SUPT6H: variants seen among roughly 807,000 people sequenced by gnomAD.
SUPT6H encodes SPT6 homolog, histone chaperone and transcription elongation factor, also known as transcription elongation factor SPT6.
Under a neutral mutation model 222.3 loss-of-function variants are expected in SUPT6H, and 11 were observed. The ratio of observed to expected loss-of-function variants is 0.05; its 90% CI spans 0.03 to 0.08. The LOEUF is 0.08. SUPT6H is among the 10% of genes least tolerant of loss of function. SUPT6H has a pLI of 1.00. For synonymous variants in SUPT6H, 762 were observed against 801.2 expected (o/e 0.95, Z 0.83); for missense variants, 1,422 against 2,216.0 (o/e 0.64, Z 7.19).
intron 14 of SUPT6H, 31 bp from the exon 15 acceptor site, chr17:28,682,911 T>G (rs1410390203): frequency 2.5e-6 from 4 of 1,612,864 alleles, no homozygotes; most frequent in African/African-American, 2.7e-5. Context: ...CACAACACCC[T>G]GGTCCTGTAG....
chr17:28,684,118 T>C (rs2031262548), intron 17 of SUPT6H, among the ~76,000 whole-genome samples: 1 of 152,208 alleles, frequency 6.6e-6, no homozygotes, highest in Non-Finnish European at 1.5e-5. Context: ...CACCTTGGCC[T>C]CCCAAAATGC....
intron 11 of SUPT6H, 38 bp downstream of exon 11, chr17:28,679,001 T>C (rs779300615): frequency 5.0e-6 from 8 of 1,613,244 alleles, no homozygotes; most frequent in Non-Finnish European, 6.8e-6. Flanking sequence ...TGGGAAGCCC[T>C]CAGACCCCAA....
rs148997975 is a variant in SUPT6H at position 28,697,650 on chromosome 17, C to T, written c.4240C>T (p.Arg1414Cys). ...CGAAGATTTGGATGAGATTGTTGCT[C>T]GCTATGTCCAGCCCATGGCATCCTT... ...EFEDLDEIVA[R>C]YVQPMASFAR... Residue 1414 changes from arginine to cysteine, a missense_variant, in exon 31 of 37, where the codon CGC becomes TGC. This residue lies in a region of SUPT6H where 395 missense variants were observed against 580.6 expected (regional missense o/e 0.68). Coordinates refer to ENST00000314616, the MANE Select transcript of SUPT6H (RefSeq NM_003170.5). 3.7e-6 allele frequency: 6 copies of T among 1,614,136 alleles called. No individual in the cohort carries two copies. Among genetic ancestry groups the T allele is most frequent in the East Asian group, 2.2e-5 (1 of 44,884 alleles).
At chr17:28,682,010 A>C (rs896056793) in intron 13 of SUPT6H, 30 bp downstream of exon 13, 6 of 1,567,258 alleles carry the variant, frequency 3.8e-6, no homozygotes, top group African/African-American at 1.3e-5. Flanking sequence ...GGATTTAGGC[A>C]TTCTAGCCTG....
chr17:28,680,795 C>G (rs946318757), intron 11 of SUPT6H, among the ~76,000 whole-genome samples: 2 of 152,102 alleles, frequency 1.3e-5, no homozygotes, highest in Non-Finnish European at 2.9e-5. Flanking sequence ...CTACAGGCAC[C>G]TGCCACTATA....
Position 28,697,732 on chromosome 17 carries a change from A to G in SUPT6H, c.4322A>G (p.Lys1441Arg). The G allele has an allele frequency of 6.2e-7, 1 of 1,614,078 alleles. No homozygotes were observed. Among genetic ancestry groups the G allele is most frequent in the Non-Finnish European group, 8.5e-7 (1 of 1,179,908 alleles). Residue 1441 changes from lysine (K) to arginine (R), a missense_variant and splice_region_variant, in exon 31 of 37, where the codon AAG (lysine) becomes AGG (arginine). Physicochemically the swap from Lys to Arg is conservative, Grantham distance 26. Coordinates refer to ENST00000314616, the MANE Select transcript of SUPT6H (RefSeq NM_003170.5). ...YYQDCSGGDR[K>R]KLEELLIKTK... ...CAGGACTGCAGCGGTGGGGACCGCA[A>G]GGTAAGCCCAGGGCCCTCTGAGGAA...
At chr17:28,663,613 A>G (rs1031280354) in intron 1 of SUPT6H, among the ~76,000 whole-genome samples, 3 of 151,892 alleles carry the variant, frequency 2.0e-5, no homozygotes, top group Non-Finnish European at 4.4e-5. Context: ...CCTGTCCACT[A>G]TTTCCCAATA....
At chr17:28,693,042 C>T (rs907755082) in intron 27 of SUPT6H, among the ~76,000 whole-genome samples, 4 of 150,166 alleles carry the variant, frequency 2.7e-5, no homozygotes, top group South Asian at 2.1e-4. Flanking sequence ...TGGGGGCGTG[C>T]GCTTATAGTC....
intron 1 of SUPT6H, among the ~76,000 whole-genome samples, chr17:28,672,462 G>A (rs1334011353): frequency 1.3e-5 from 2 of 151,188 alleles, no homozygotes; most frequent in East Asian, 3.9e-4. Context: ...TGCCCAGGCT[G>A]GAGTGCAGTG....
intron 20 of SUPT6H, 99 bp downstream of exon 20, chr17:28,686,514 T>C: frequency 1.3e-6 from 2 of 1,540,528 alleles, no homozygotes; most frequent in Non-Finnish European, 1.8e-6. Context: ...GGCTTGTGCT[T>C]GTGCAGGGAG....
At chr17:28,678,523 T>C (rs1395905019) in intron 9 of SUPT6H, 22 bp from the exon 10 acceptor site, 1 of 1,610,492 alleles carries the variant, frequency 6.2e-7, no homozygotes. Context: ...TCTGAGTGAC[T>C]GCAGTCTCTT....
intron 1 of SUPT6H, among the ~76,000 whole-genome samples, chr17:28,664,773 C>T (rs185338685): frequency 1.7e-4 from 26 of 152,308 alleles, no homozygotes; most frequent in Admixed American, 8.5e-4. Context: ...CATTGCAAAC[C>T]TTATCCTCCC....
rs2032168685 is a variant in SUPT6H at position 28,702,365 on chromosome 17, C to G, written c.*740C>G. The G allele has an allele frequency of 6.6e-6, 1 of 152,662 alleles. No homozygotes were observed. Among genetic ancestry groups the G allele is most frequent in the Non-Finnish European group, 1.5e-5 (1 of 68,054 alleles). 9.5% of individuals were successfully genotyped at this position (152,662 alleles called of 1,614,324 possible). A position where few individuals can be genotyped will look rare whatever the true frequency, so the allele number is the denominator to read the frequency against. On this transcript the variant is annotated 3_prime_UTR_variant, in exon 37 of 37. Coordinates refer to ENST00000314616, the MANE Select transcript of SUPT6H (RefSeq NM_003170.5). ...GAGGCAAAGATTCATAGACTAGAGGCAGCTTCTACATCAGACTGCCTGGGG... is the reference window on the plus strand; with the variant it reads ...GAGGCAAAGATTCATAGACTAGAGGGAGCTTCTACATCAGACTGCCTGGGG...
chr17:28,681,307 T>C lies in SUPT6H; in HGVS notation c.1401T>C (p.Phe467=). Residue 467 remains phenylalanine (F), a synonymous_variant, in exon 12 of 37, where the codon TTT becomes TTC. Coordinates refer to ENST00000314616, the MANE Select transcript of SUPT6H (RefSeq NM_003170.5). ...MDELKDVYNH[F]LLYYGRDIPK... is the part of the protein sequence containing the mutation. Reference sequence around the variant, plus strand: ...AGCTGAAAGATGTCTACAACCATTTTCTTCTTTATTATGGCCGAGACATCC... The same window carrying C: ...AGCTGAAAGATGTCTACAACCATTTCCTTCTTTATTATGGCCGAGACATCC... The C allele has an allele frequency of 6.2e-7, 1 of 1,614,078 alleles. No homozygotes were observed. Among genetic ancestry groups the C allele is most frequent in the Non-Finnish European group, 8.5e-7 (1 of 1,180,010 alleles).
intron 19 of SUPT6H, among the ~76,000 whole-genome samples, chr17:28,685,683 C>T (rs529027752): frequency 5.9e-5 from 9 of 152,218 alleles, no homozygotes; most frequent in Non-Finnish European, 8.8e-5. Context: ...ACGGTTTCAC[C>T]GTGTTGCCTA....
At chr17:28,698,746 A>G (rs2032024079) in intron 32 of SUPT6H, among the ~76,000 whole-genome samples, 1 of 152,236 alleles carries the variant, frequency 6.6e-6, no homozygotes, top group Admixed American at 6.5e-5. Flanking sequence ...TGCACAGCTC[A>G]GGCTGCATTA....
At chr17:28,700,857 C>A in intron 35 of SUPT6H, 84 bp from the exon 36 acceptor site, 8 of 1,476,496 alleles carry the variant, frequency 5.4e-6, no homozygotes, top group Non-Finnish European at 7.4e-6. Context: ...CTTTGCTGAG[C>A]CCACCCTTGC....
chr17:28,685,717 CAA>C (rs2031347783), intron 19 of SUPT6H, among the ~76,000 whole-genome samples: 1 of 152,192 alleles, frequency 6.6e-6, no homozygotes, highest in Non-Finnish European at 1.5e-5. Context: ...CTCCTAGACT[CAA>C]GTGATCCATC....
At chr17:28,676,014 C>G (rs1249997897) in intron 6 of SUPT6H, 143 bp from the exon 7 acceptor site, 1 of 953,462 alleles carries the variant, frequency 1.0e-6, no homozygotes, top group Admixed American at 3.2e-5. Flanking sequence ...TGAAGCCTTT[C>G]GTCCACAGTG....
Sources: allele counts gnomAD v4.1 joint callset (sites outside exome capture counted in the v4.1 genomes callset), GRCh38; gene constraint gnomAD v4.1.1; regional missense constraint gnomAD v4.1.1; transcripts MANE v1.5; gene names NCBI Gene and HGNC (gene_info 2026-07-23, HGNC 2026-07-21).